Variants in CSE1L observed in about 807,000 individuals in gnomAD.
CSE1L encodes chromosome segregation 1 like.
In CSE1L, 24 loss-of-function variants were observed where a neutral mutation model predicts 120.4. The ratio of observed to expected loss-of-function variants is 0.20; its 90% CI spans 0.14 to 0.28. CSE1L has a LOEUF of 0.28. CSE1L is among the 10% of genes least tolerant of loss of function. The probability of loss-of-function intolerance (pLI) is 1.00; values close to 1 mark genes in which losing one functional copy is unlikely to be tolerated. For missense variants in CSE1L, 830 were observed against 1,145.2 expected (o/e 0.72, Z 3.97); for synonymous variants, 402 against 398.3 (o/e 1.01, Z -0.11).
At chr20:49,084,268 C>G (rs555229636) in intron 15 of CSE1L, 106 bp downstream of exon 15, 54 of 1,168,256 alleles carry the variant, frequency 4.6e-5, no homozygotes, top group Non-Finnish European at 6.3e-5. Flanking sequence ...AAACAAATGT[C>G]TGCTTTCTAT....
At chr20:49,093,872 A>G (rs1719404416) in intron 22 of CSE1L, among the ~76,000 whole-genome samples, 1 of 151,730 alleles carries the variant, frequency 6.6e-6, no homozygotes, top group Non-Finnish European at 1.5e-5. Flanking sequence ...AGCTGAGATC[A>G]CACCGTTCCA....
At position 49,096,474 on chromosome 20, in the gene CSE1L, T is replaced by TC; in HGVS notation, c.*38dup. ...TCTAATGGGCTAAACCCAGATGGTTTCCTAGGAAATCACAGGCTTCTGAGC... is the reference window on the plus strand; with the variant it reads ...TCTAATGGGCTAAACCCAGATGGTTTCCCTAGGAAATCACAGGCTTCTGAGC... On this transcript the variant is annotated 3_prime_UTR_variant, in exon 25 of 25. Transcript: ENST00000262982. 6.7e-7 allele frequency: 1 copy of TC among 1,488,302 alleles called. No individual in the cohort carries two copies. The allele number at this position is 1,488,302 out of a possible 1,614,324, so 92.2% of individuals were successfully genotyped here.
At chr20:49,068,647 T>C (rs1299308761) in intron 6 of CSE1L, 68 bp from the exon 7 acceptor site, 3 of 979,896 alleles carry the variant, frequency 3.1e-6, no homozygotes, top group Non-Finnish European at 4.9e-6. Flanking sequence ...AGTGCAAGGC[T>C]GTTTCACTAA....
In CSE1L at chr20:49,090,928, A is replaced by T; in HGVS notation, c.2280-9A>T. 6.2e-7 allele frequency: 1 copy of T among 1,600,488 alleles called. No homozygotes were observed. Among genetic ancestry groups the T allele is most frequent in the South Asian group, 1.1e-5 (1 of 88,958 alleles). On this transcript the variant is annotated splice_polypyrimidine_tract_variant and intron_variant, in intron 20 of 24. Coordinates refer to ENST00000262982, the MANE Select transcript of CSE1L (RefSeq NM_001316.4). ...AAATTTATATTGTTGATTTTTTTTA[A>T]TTCTTTAGTGAATCAGTTGACCAAT...
rs147870882 is a variant in CSE1L, at chr20:49,091,367, G to A, written c.2365+345G>A. Among the ~76,000 whole-genome samples, 911 of 152,040 alleles carry A rather than the reference G, an allele frequency of 6.0e-3. 5 individuals carry two copies. Among genetic ancestry groups the A allele is most frequent in the Middle Eastern group, 0.017 (5 of 294 alleles). On this transcript the variant is annotated intron_variant, in intron 21 of 24. Coordinates refer to ENST00000262982, the MANE Select transcript of CSE1L (RefSeq NM_001316.4). Reference sequence around the variant, plus strand: ...CTAAGTCCCAGAGGTTGAGGCTGCAGTGAGCCAAGATTACACCCACTGCAC... The same window carrying A: ...CTAAGTCCCAGAGGTTGAGGCTGCAATGAGCCAAGATTACACCCACTGCAC...
intron 23 of CSE1L, 122 bp downstream of exon 23, chr20:49,094,408 A>C: frequency 1.1e-6 from 1 of 932,074 alleles, no homozygotes; most frequent in African/African-American, 1.7e-5. Context: ...CTTCTCCACA[A>C]TCAGATCCAA....
chr20:49,064,546 C>T (rs554984292), intron 3 of CSE1L, among the ~76,000 whole-genome samples: 3 of 151,916 alleles, frequency 2.0e-5, no homozygotes, highest in African/African-American at 7.2e-5. Context: ...CCCATCTTTC[C>T]AAAAAATACA....
In CSE1L at chr20:49,063,314, C is replaced by T; in HGVS notation, c.198C>T (p.Phe66=). 6.6e-7 allele frequency: 1 copy of T among 1,520,552 alleles called. No individual in the cohort carries two copies. The highest frequency in any genetic ancestry group is 8.9e-7 in the Non-Finnish European group (1 of 1,124,606). 94.2% of individuals were successfully genotyped at this position (1,520,552 alleles called of 1,614,324 possible). A position where few individuals can be genotyped will look rare whatever the true frequency, so the allele number is the denominator to read the frequency against. ...TCAAAGTATGTGCTTCAGTAACATTCAAAAACTATATTAAAAGGAACTGGA... is the reference window on the plus strand; with the variant it reads ...TCAAAGTATGTGCTTCAGTAACATTTAAAAACTATATTAAAAGGAACTGGA... The part of the protein sequence containing the change: ...NVIKVCASVT[F]KNYIKRNWRI... Residue 66 remains phenylalanine, a synonymous_variant, in exon 3 of 25, where the codon TTC becomes TTT. Coordinates refer to ENST00000262982, the MANE Select transcript of CSE1L (RefSeq NM_001316.4).
At chr20:49,062,959 T>A (rs1431608786) in intron 2 of CSE1L, among the ~76,000 whole-genome samples, 1 of 151,974 alleles carries the variant, frequency 6.6e-6, no homozygotes. Context: ...ATTAGGCCAC[T>A]GTATAGGTTT....
chr20:49,053,433 A>G (rs1350069989), intron 1 of CSE1L, among the ~76,000 whole-genome samples: 1 of 123,884 alleles, frequency 8.1e-6, no homozygotes, highest in African/African-American at 3.2e-5. Flanking sequence ...ATCTCGCCTC[A>G]TTGCAACCTT....
chr20:49,069,141 G>C (rs769596792), intron 7 of CSE1L, among the ~76,000 whole-genome samples: 1 of 152,042 alleles, frequency 6.6e-6, no homozygotes, highest in Admixed American at 6.6e-5. Context: ...TTCCTCTTTC[G>C]TTCATTTATA....
rs2091987063 is a variant in CSE1L at position 49,078,586 on chromosome 20, T to A, written c.1446T>A (p.Ala482=). The change falls in exon 14 of 25, where the codon GCT becomes GCA. Residue 482 remains alanine, a synonymous_variant. Transcript: ENST00000262982. The part of the protein sequence containing the change: ...ANVNEFPVLK[A]DGIKYIMIFR... ...TGAATGAATTTCCTGTCCTTAAAGC[T>A]GACGGTATCAAATATATTATGATTT... The A allele has an allele frequency of 1.3e-6, 2 of 1,576,184 alleles. No homozygotes were observed.
chr20:49,072,947 T>A (rs1319265258), intron 10 of CSE1L, among the ~76,000 whole-genome samples: 1 of 152,222 alleles, frequency 6.6e-6, no homozygotes, highest in Non-Finnish European at 1.5e-5. Flanking sequence ...CTGGAATTTC[T>A]ATTTAGAGAA....
intron 3 of CSE1L, among the ~76,000 whole-genome samples, chr20:49,063,980 AT>A (rs962872937): frequency 4.6e-5 from 7 of 152,058 alleles, no homozygotes; most frequent in Admixed American, 1.3e-4. Context: ...AGAAACAGGC[AT>A]TTTTTTTCCT....
intron 1 of CSE1L, among the ~76,000 whole-genome samples, chr20:49,053,164 TTTTTTTTA>T (rs1355674914): frequency 2.8e-5 from 3 of 107,194 alleles, no homozygotes; most frequent in African/African-American, 1.1e-4. Flanking sequence ...TTTTTTTTTT[TTTTTTTTA>T]AAGACAAAAT....
At chr20:49,048,784 G>A (rs1033104413) in intron 1 of CSE1L, among the ~76,000 whole-genome samples, 2 of 152,214 alleles carry the variant, frequency 1.3e-5, no homozygotes, top group African/African-American at 2.4e-5. Context: ...AGAAAGCAGA[G>A]GGTAGGTTGA....
chr20:49,052,072 T>G (rs1489871512), intron 1 of CSE1L, among the ~76,000 whole-genome samples: 1 of 152,222 alleles, frequency 6.6e-6, no homozygotes, highest in Non-Finnish European at 1.5e-5. Flanking sequence ...AGTTGGTCAT[T>G]TGTTCATCTG....
chr20:49,096,238 A>G (rs1338834251), intron 24 of CSE1L, 111 bp from the exon 25 acceptor site: 16 of 842,924 alleles, frequency 1.9e-5, no homozygotes, highest in Non-Finnish European at 3.1e-5. Flanking sequence ...GTGATTAATG[A>G]CTTGACTGGC....
intron 14 of CSE1L, among the ~76,000 whole-genome samples, chr20:49,079,232 T>C (rs745424488): frequency 1.3e-5 from 2 of 150,480 alleles, no homozygotes; most frequent in Non-Finnish European, 3.0e-5. Flanking sequence ...AAAAAAATTT[T>C]TTTTTATTTT....
Sources: gnomAD v4.1 joint callset for allele counts (sites outside exome capture counted in the v4.1 genomes callset) on GRCh38, gnomAD v4.1.1 for gene constraint, MANE v1.5 for transcripts, NCBI Gene and HGNC (gene_info 2026-07-23, HGNC 2026-07-21) for gene names.